The following NUCKS1 variants were observed in gnomAD, a reference collection of about 807,000 sequenced individuals.
The protein encoded by NUCKS1 is nuclear ubiquitous casein and cyclin-dependent kinase substrate 1.
NUCKS1 carries 2 observed loss-of-function variants against 33.0 expected under a neutral mutation model. The observed-to-expected ratio is 0.06, with a 90% CI of 0.02 to 0.19. The LOEUF (loss-of-function observed/expected upper bound fraction) is 0.19, where lower values mean the gene tolerates loss of function less well. Ranked by LOEUF, NUCKS1 falls within the 10% of genes least tolerant of loss-of-function variation. The pLI, the probability that NUCKS1 is intolerant of heterozygous loss-of-function variation, is 1.00. For synonymous variants in NUCKS1, 106 were observed against 102.8 expected, an observed-to-expected ratio of 1.03 and a Z score of -0.19; for missense variants, 201 against 293.6, an observed-to-expected ratio of 0.68 and a Z score of 2.31.
At position 205,717,555 on chromosome 1, in the gene NUCKS1, G is replaced by C; in HGVS notation, c.*725C>G. 7.1e-6 allele frequency: 7 copies of C among 983,764 alleles called. No individual in the cohort carries two copies. The highest frequency in any genetic ancestry group is 4.7e-5 in the South Asian group (1 of 21,228). The allele number at this position is 983,764 out of a possible 1,614,324, so 60.9% of individuals were successfully genotyped here. ...GCAGGATAAAAGGATCACTGGCTCC[G>C]AGTCTCTTTGAGATAACAAGTGATG... On this transcript the variant is annotated 3_prime_UTR_variant, in exon 7 of 7. Transcript: ENST00000367142.
chr1:205,720,680 A>G, intron 4 of NUCKS1, 27 bp from the exon 5 acceptor site: 1 of 1,570,940 alleles, frequency 6.4e-7, no homozygotes. Flanking sequence ...ACCATGATAT[A>G]ATGATTAAAG....
At chr1:205,721,631 T>C (rs757281222) in intron 4 of NUCKS1, among the ~76,000 whole-genome samples, 1 of 152,016 alleles carries the variant, frequency 6.6e-6, no homozygotes, top group Non-Finnish European at 1.5e-5. Context: ...CCCTTTACAA[T>C]GAATGGCTTG....
chr1:205,720,464 AC>A, intron 5 of NUCKS1, 36 bp downstream of exon 5: 1 of 1,593,862 alleles, frequency 6.3e-7, no homozygotes. Flanking sequence ...TACAATTATG[AC>A]CAAACAACCA....
chr1:205,722,261 T>C (rs1467620019), intron 4 of NUCKS1, among the ~76,000 whole-genome samples: 2 of 151,908 alleles, frequency 1.3e-5, no homozygotes, highest in Non-Finnish European at 2.9e-5. Flanking sequence ...TGTTGTTTGC[T>C]TGTTTGTTTT....
At position 205,740,530 on chromosome 1, in the gene NUCKS1, G is replaced by A. The variant is rs118144941; in HGVS notation, c.17+9427C>T. 1.9e-4 allele frequency among the ~76,000 whole-genome samples: 29 copies of A among 152,042 alleles called. No individual in the cohort carries two copies. The East Asian group carries it at 5.1e-3, about 27-fold the overall frequency. On this transcript the variant is annotated intron_variant, in intron 1 of 6. Coordinates refer to ENST00000367142, the MANE Select transcript of NUCKS1 (RefSeq NM_022731.5). ...CTTGGGAGACTGAGGTGGGAGGATC[G>A]CTTGAGCCCAGGAGGCTGATGTTGC...
chr1:205,740,080 ACAAC>A (rs1654130501), intron 1 of NUCKS1, among the ~76,000 whole-genome samples: 1 of 133,816 alleles, frequency 7.5e-6, no homozygotes, highest in Non-Finnish European at 1.5e-5. Flanking sequence ...ATGGCTCACT[ACAAC>A]CTCTGCCTCC....
intron 1 of NUCKS1, among the ~76,000 whole-genome samples, chr1:205,746,253 C>A (rs778603300): frequency 1.1e-4 from 16 of 152,298 alleles, no homozygotes; most frequent in Middle Eastern, 3.4e-3. Context: ...CGAGATTGCA[C>A]CATTGCACTC....
chr1:205,735,463 A>G (rs1654011714), intron 1 of NUCKS1, among the ~76,000 whole-genome samples: 1 of 152,230 alleles, frequency 6.6e-6, no homozygotes, highest in African/African-American at 2.4e-5. Flanking sequence ...CATGATAGTT[A>G]AATGCCAAAG....
chr1:205,735,944 A>C (rs1393760455), intron 1 of NUCKS1, among the ~76,000 whole-genome samples: 2 of 151,848 alleles, frequency 1.3e-5, no homozygotes, highest in East Asian at 1.9e-4. Flanking sequence ...ATACCAAAAT[A>C]TCTCTTTTTT....
In NUCKS1 at chr1:205,717,024, T is replaced by A. The variant is rs1022410870; in HGVS notation, c.*1256A>T. The A allele has an allele frequency of 6.6e-6, 1 of 152,186 alleles. No individual in the cohort carries two copies. Among genetic ancestry groups the A allele is most frequent in the African/African-American group, 2.4e-5 (1 of 41,442 alleles). The allele number at this position is 152,186 out of a possible 1,614,324, so 9.4% of individuals were successfully genotyped here. A position where few individuals can be genotyped will look rare whatever the true frequency, so the allele number is the denominator to read the frequency against. On this transcript the variant is annotated 3_prime_UTR_variant, in exon 7 of 7. Coordinates refer to ENST00000367142, the MANE Select transcript of NUCKS1 (RefSeq NM_022731.5). ...GACAGGATGGGAAGTAAGTGAAGAA[T>A]AGGGCCAGGAAAATAGTGTCCTATA...
At chr1:205,723,081 A>G (rs1414384142) in intron 4 of NUCKS1, among the ~76,000 whole-genome samples, 3 of 152,230 alleles carry the variant, frequency 2.0e-5, no homozygotes, top group Non-Finnish European at 4.4e-5. Flanking sequence ...GGATCACCAG[A>G]TAGTGCAAAA....
chr1:205,719,769 G>A, intron 5 of NUCKS1, 93 bp from the exon 6 acceptor site: 1 of 1,370,226 alleles, frequency 7.3e-7, no homozygotes, highest in Non-Finnish European at 9.9e-7. Flanking sequence ...TAGAGGATGG[G>A]ATTTGGGAGT....
intron 3 of NUCKS1, among the ~76,000 whole-genome samples, chr1:205,727,341 C>T (rs866545456): frequency 1.3e-5 from 2 of 152,152 alleles, no homozygotes; most frequent in Non-Finnish European, 2.9e-5. Context: ...AGAAACTCTC[C>T]AAAATGGTTA....
intron 1 of NUCKS1, among the ~76,000 whole-genome samples, chr1:205,744,204 A>G (rs933171785): frequency 2.6e-5 from 4 of 152,216 alleles, no homozygotes; most frequent in African/African-American, 9.6e-5. Context: ...CCCTGTGACA[A>G]TGTCACATTG....
At position 205,713,619 on chromosome 1, in the gene NUCKS1, T is replaced by C. The variant is rs1256839218; in HGVS notation, c.*4661A>G. ...TCATGTTCACTTCAACCCCATTTCA[T>C]TTAAATTAAAGAAAAAAACCTTTTA... is the stretch of plus-strand genomic sequence containing the variant. On this transcript the variant is annotated 3_prime_UTR_variant, in exon 7 of 7. Coordinates refer to ENST00000367142, the MANE Select transcript of NUCKS1 (RefSeq NM_022731.5). 5 of 152,222 alleles carry C rather than the reference T, an allele frequency of 3.3e-5. No homozygotes were observed. The allele number at this position is 152,222 out of a possible 1,614,324, so 9.4% of individuals were successfully genotyped here. A position where few individuals can be genotyped will look rare whatever the true frequency, so the allele number is the denominator to read the frequency against.
intron 1 of NUCKS1, among the ~76,000 whole-genome samples, chr1:205,744,973 CCTAAA>C (rs891175987): frequency 2.0e-5 from 3 of 152,074 alleles, no homozygotes; most frequent in Non-Finnish European, 2.9e-5. Flanking sequence ...GGAGTACTAC[CCTAAA>C]CTAGTGATGG....
Position 205,718,104 on chromosome 1 carries a change from A to AAT in NUCKS1, c.*175_*176insAT. On this transcript the variant is annotated 3_prime_UTR_variant, in exon 7 of 7. Transcript: ENST00000367142. ...TTGCTTTAAAAAAAAAAAAAAAAAA[A>AAT]GAGAGAGAGAGAGAAATGTTACTTT... 1 of 1,123,590 alleles carries AAT rather than the reference A, an allele frequency of 8.9e-7. No homozygotes were observed. 69.6% of individuals were successfully genotyped at this position (1,123,590 alleles called of 1,614,324 possible). A position where few individuals can be genotyped will look rare whatever the true frequency, so the allele number is the denominator to read the frequency against.
intron 1 of NUCKS1, among the ~76,000 whole-genome samples, chr1:205,746,332 T>C (rs1344756860): frequency 6.6e-6 from 1 of 152,206 alleles, no homozygotes; most frequent in Non-Finnish European, 1.5e-5. Flanking sequence ...TCAGGCATTG[T>C]AAATTATGTA....
At chr1:205,725,440 C>T (rs1345768578) in intron 3 of NUCKS1, among the ~76,000 whole-genome samples, 1 of 152,196 alleles carries the variant, frequency 6.6e-6, no homozygotes, top group African/African-American at 2.4e-5. Context: ...AATGACCAAA[C>T]ATATTCCTTT....
Sources: allele counts gnomAD v4.1 joint callset (sites outside exome capture counted in the v4.1 genomes callset), GRCh38; gene constraint gnomAD v4.1.1; transcripts MANE v1.5; gene names NCBI Gene and HGNC (gene_info 2026-07-23, HGNC 2026-07-21).